KIF5B: variants seen among roughly 807,000 people sequenced by gnomAD.
KIF5B encodes the protein kinesin-1 heavy chain.
Under a neutral mutation model 132.8 loss-of-function variants are expected in KIF5B, and 49 were observed. The ratio of observed to expected loss-of-function variants is 0.37; its 90% CI spans 0.29 to 0.47. KIF5B has a LOEUF of 0.47. Among genes scored for constraint, KIF5B ranks in the 20% least tolerant of loss-of-function variants. The probability of loss-of-function intolerance (pLI) is 1.00; values close to 1 mark genes in which losing one functional copy is unlikely to be tolerated. For synonymous variants in KIF5B, 355 were observed against 369.4 expected (o/e 0.96, Z 0.45); for missense variants, 780 against 1,144.0 (o/e 0.68, Z 4.59).
At chr10:32,030,147 T>C (rs1378425140) in intron 14 of KIF5B, among the ~76,000 whole-genome samples, 2 of 152,206 alleles carry the variant, frequency 1.3e-5, no homozygotes, top group Admixed American at 6.5e-5. Context: ...GAAACATTCA[T>C]AGCTATGTAT....
In KIF5B at chr10:32,056,124, G is replaced by A; in HGVS notation, c.-151C>T. 2.2e-6 allele frequency: 2 copies of A among 897,142 alleles called. No individual in the cohort carries two copies. The highest frequency in any genetic ancestry group is 1.8e-5 in the South Asian group (1 of 56,866). 55.6% of individuals were successfully genotyped at this position (897,142 alleles called of 1,614,324 possible). ...TGCGCTTCCCCGGGTGGAGGCGGCCGGGGAGCCGGGACTTGAAGAGCCGGC... is the reference window on the plus strand; with the variant it reads ...TGCGCTTCCCCGGGTGGAGGCGGCCAGGGAGCCGGGACTTGAAGAGCCGGC... On this transcript the variant is annotated 5_prime_UTR_variant, in exon 1 of 26. Transcript: ENST00000302418.
At chr10:32,036,112 G>T in intron 8 of KIF5B, 118 bp from the exon 9 acceptor site, 2 of 569,860 alleles carry the variant, frequency 3.5e-6, no homozygotes, top group Non-Finnish European at 5.7e-6. Flanking sequence ...AACATGAAAA[G>T]CTTCATGATC....
chr10:32,052,430 ATTCTC>A (rs1276111505), intron 1 of KIF5B, among the ~76,000 whole-genome samples: 1 of 152,186 alleles, frequency 6.6e-6, no homozygotes, highest in Non-Finnish European at 1.5e-5. Context: ...AATTAGTTTT[ATTCTC>A]TTCTAATTTC....
intron 1 of KIF5B, among the ~76,000 whole-genome samples, chr10:32,048,776 G>A (rs1841649147): frequency 6.6e-6 from 1 of 152,036 alleles, no homozygotes; most frequent in South Asian, 2.1e-4. Context: ...TGCATTCCCA[G>A]GGCCCAGTAA....
chr10:32,034,327 G>T (rs534416285), intron 11 of KIF5B, among the ~76,000 whole-genome samples: 7 of 152,128 alleles, frequency 4.6e-5, no homozygotes, highest in Non-Finnish European at 8.8e-5. Context: ...GGCCAGGCTG[G>T]TCTCTAACTC....
chr10:32,018,292 C>T, intron 22 of KIF5B, 24 bp downstream of exon 22: 1 of 1,493,894 alleles, frequency 6.7e-7, no homozygotes, highest in Non-Finnish European at 8.9e-7. Flanking sequence ...TATGCAAACG[C>T]CTACCTCGGC....
chr10:32,034,871 A>G, intron 10 of KIF5B, 33 bp from the exon 11 acceptor site: 2 of 1,518,520 alleles, frequency 1.3e-6, no homozygotes, highest in Non-Finnish European at 1.8e-6. Flanking sequence ...AAAAAGGATG[A>G]GACTGAAATT....
chr10:32,034,024 T>G lies in KIF5B; in HGVS notation c.1126A>C (p.Ile376Leu), dbSNP rs190199916. The change falls in exon 12 of 26, where the codon ATT becomes CTT. Residue 376 changes from isoleucine (I) to leucine (L), a missense_variant. By Grantham distance (5) the Ile-to-Leu change is conservative. Around this residue, in one of 9 missense-constraint regions of KIF5B, gnomAD observed 471 missense variants for 569.9 expected, o/e 0.83. Coordinates refer to ENST00000302418, the MANE Select transcript of KIF5B (RefSeq NM_004521.3). ...NRWRNGETVP[I>L]DEQFDKEKAN... Reference sequence around the variant, plus strand: ...TTCTCTTTGTCAAACTGTTCATCAATAGGCACCGTCTCCCCTAAAATAAGA... The same window carrying G: ...TTCTCTTTGTCAAACTGTTCATCAAGAGGCACCGTCTCCCCTAAAATAAGA... 6.3e-7 allele frequency: 1 copy of G among 1,577,532 alleles called. No individual in the cohort carries two copies. Among genetic ancestry groups the G allele is most frequent in the Admixed American group, 1.9e-5 (1 of 53,708 alleles).
Position 32,025,520 on chromosome 10 carries a change from C to T in KIF5B, c.1726-2484G>A, listed in dbSNP as rs530708232. ...CCTCCCAAATAGCTGGGACTATAGG[C>T]GTGCACCACTATGCCTGGCTAGTTT... On this transcript the variant is annotated intron_variant, in intron 15 of 25. Transcript: ENST00000302418. Among the ~76,000 whole-genome samples the T allele has an allele frequency of 2.2e-4, 33 of 152,228 alleles. No homozygotes were observed. The South Asian group carries it at 6.6e-3, about 31-fold the overall frequency.
chr10:32,042,676 A>C (rs1158723872), intron 2 of KIF5B, among the ~76,000 whole-genome samples: 2 of 152,166 alleles, frequency 1.3e-5, no homozygotes, highest in African/African-American at 4.8e-5. Context: ...TCACCCTTTT[A>C]AATATACTTT....
At chr10:32,023,872 T>C (rs1489984269) in intron 15 of KIF5B, among the ~76,000 whole-genome samples, 1 of 151,910 alleles carries the variant, frequency 6.6e-6, no homozygotes, top group African/African-American at 2.4e-5. Context: ...ATCATAGATC[T>C]AAATGTAAAT....
intron 1 of KIF5B, among the ~76,000 whole-genome samples, chr10:32,052,500 T>A (rs1280764672): frequency 1.3e-5 from 2 of 152,234 alleles, no homozygotes; most frequent in Non-Finnish European, 2.9e-5. Context: ...ATATAAGGAA[T>A]AATGATTTGT....
At chr10:32,046,117 T>A (rs1841605481) in intron 2 of KIF5B, among the ~76,000 whole-genome samples, 1 of 151,948 alleles carries the variant, frequency 6.6e-6, no homozygotes, top group Non-Finnish European at 1.5e-5. Flanking sequence ...GAATCTGCAC[T>A]TTAAAGGTTT....
chr10:32,033,600 A>G (rs1429715097), intron 12 of KIF5B, among the ~76,000 whole-genome samples: 1 of 152,196 alleles, frequency 6.6e-6, no homozygotes, highest in East Asian at 1.9e-4. Flanking sequence ...GCTGCCTTAT[A>G]AAGTTCTTTT....
At chr10:32,055,647 G>A (rs1564472775) in intron 1 of KIF5B, among the ~76,000 whole-genome samples, 1 of 152,190 alleles carries the variant, frequency 6.6e-6, no homozygotes, top group African/African-American at 2.4e-5. Context: ...CGGCGCCGAA[G>A]ACTGGGGTGG....
chr10:32,018,455 A>G (rs756970838), intron 21 of KIF5B, 47 bp downstream of exon 21: 1 of 1,591,890 alleles, frequency 6.3e-7, no homozygotes. Flanking sequence ...GGTAGAAAAA[A>G]CCCACAAAAT....
At chr10:32,039,955 T>C (rs1841510830) in intron 3 of KIF5B, among the ~76,000 whole-genome samples, 1 of 152,186 alleles carries the variant, frequency 6.6e-6, no homozygotes, top group African/African-American at 2.4e-5. Flanking sequence ...GGTCCACATC[T>C]ATTATTAACA....
chr10:32,047,885 A>G (rs1332871425), intron 2 of KIF5B, among the ~76,000 whole-genome samples: 1 of 152,252 alleles, frequency 6.6e-6, no homozygotes, highest in Non-Finnish European at 1.5e-5. Context: ...CAGTAACTGG[A>G]AGTAACTCCA....
Position 32,018,125 on chromosome 10 carries a change from C to T in KIF5B, c.2471G>A (p.Gly824Asp). 1 of 1,610,676 alleles carries T rather than the reference C, an allele frequency of 6.2e-7. No individual in the cohort carries two copies. The highest frequency in any genetic ancestry group is 8.5e-7 in the Non-Finnish European group (1 of 1,177,954). Reference protein sequence around the residue: ...SAEIDSDDTGGSAAQKQKISF... With the variant: ...SAEIDSDDTGDSAAQKQKISF... The stretch of plus-strand genomic sequence containing the variant: ...GATTTTTTGCTTCTGAGCAGCGCTG[C>T]CTCCGGTGTCATCAGAATCAATCTC... The change falls in exon 23 of 26, where the codon GGC (glycine) becomes GAC (aspartate). Residue 824 changes from glycine (G) to aspartate (D), a missense_variant. Physicochemically the swap from Gly to Asp is moderately conservative, Grantham distance 94. Around this residue, in one of 9 missense-constraint regions of KIF5B, gnomAD observed 471 missense variants for 569.9 expected, o/e 0.83. Coordinates refer to ENST00000302418, the MANE Select transcript of KIF5B (RefSeq NM_004521.3).
Sources: allele counts gnomAD v4.1 joint callset (sites outside exome capture counted in the v4.1 genomes callset), GRCh38; gene constraint gnomAD v4.1.1; regional missense constraint gnomAD v4.1.1; transcripts MANE v1.5; gene names NCBI Gene and HGNC (gene_info 2026-07-23, HGNC 2026-07-21).